Variants in TEC observed in about 807,000 individuals in gnomAD.
TEC encodes the protein tyrosine-protein kinase Tec.
TEC carries 72 observed loss-of-function variants against 93.0 expected under a neutral mutation model. The ratio of observed to expected loss-of-function variants is 0.77; its 90% confidence interval spans 0.64 to 0.94. TEC has a LOEUF of 0.94. Among genes scored for constraint, TEC ranks in the 40% least tolerant of loss-of-function variants. The pLI is 0.00. For missense variants in TEC, 630 were observed against 757.9 expected, an observed-to-expected ratio of 0.83 and a Z score of 1.98; for synonymous variants, 249 against 247.7, an observed-to-expected ratio of 1.01 and a Z score of -0.05.
chr4:48,225,958 G>A (rs779870220), intron 2 of TEC, among the ~76,000 whole-genome samples: 1 of 152,092 alleles, frequency 6.6e-6, no homozygotes, highest in Non-Finnish European at 1.5e-5. Flanking sequence ...CTGCCAGGAA[G>A]TGTTAGAGGC....
At chr4:48,144,335 T>C (rs1719813323) in intron 14 of TEC, among the ~76,000 whole-genome samples, 2 of 152,214 alleles carry the variant, frequency 1.3e-5, no homozygotes, top group South Asian at 4.1e-4. Flanking sequence ...TACACTCTTC[T>C]TGGTAAAAGA....
intron 1 of TEC, among the ~76,000 whole-genome samples, chr4:48,230,477 C>T (rs775359071): frequency 6.6e-6 from 1 of 152,176 alleles, no homozygotes; most frequent in Non-Finnish European, 1.5e-5. Flanking sequence ...CTATTTGCCT[C>T]GCTCAGAACA....
At chr4:48,215,200 C>CA (rs1307948044) in intron 2 of TEC, among the ~76,000 whole-genome samples, 1 of 152,098 alleles carries the variant, frequency 6.6e-6, no homozygotes, top group Admixed American at 6.6e-5. Flanking sequence ...ATGAGATACT[C>CA]AACACTTTTT....
intron 8 of TEC, among the ~76,000 whole-genome samples, chr4:48,157,386 C>T (rs1720445262): frequency 6.6e-6 from 1 of 152,208 alleles, no homozygotes; most frequent in Admixed American, 6.5e-5. Context: ...TGGTTTCCAG[C>T]AGAACCCCAA....
chr4:48,206,636 T>TA (rs1722723755), intron 2 of TEC, among the ~76,000 whole-genome samples: 4 of 151,990 alleles, frequency 2.6e-5, no homozygotes, highest in Non-Finnish European at 5.9e-5. Flanking sequence ...AAGCAATATT[T>TA]AAAAGTGTAA....
At chr4:48,179,533 C>A (rs572383975) in intron 2 of TEC, among the ~76,000 whole-genome samples, 1 of 151,022 alleles carries the variant, frequency 6.6e-6, no homozygotes, top group South Asian at 2.1e-4. Context: ...GGATTCCAGG[C>A]GTGTGCCACC....
intron 2 of TEC, among the ~76,000 whole-genome samples, chr4:48,196,579 A>C (rs936243645): frequency 1.3e-5 from 2 of 152,234 alleles, no homozygotes; most frequent in African/African-American, 2.4e-5. Flanking sequence ...GGAAACCTAA[A>C]AGCGAGAGCC....
chr4:48,221,044 A>AC (rs1234698291), intron 2 of TEC, among the ~76,000 whole-genome samples: 3 of 152,218 alleles, frequency 2.0e-5, no homozygotes, highest in African/African-American at 4.8e-5. Context: ...GGAACAGCTC[A>AC]CAGAACCCAG....
intron 2 of TEC, among the ~76,000 whole-genome samples, chr4:48,212,112 T>A (rs4695359): frequency 0.25 from 21,874 of 86,444 alleles, 2,306 homozygotes; most frequent in Non-Finnish European, 0.3. Flanking sequence ...AAAAAAAAAA[T>A]ATATATATAT....
chr4:48,208,480 T>G lies in TEC; in HGVS notation c.138+19997A>C, dbSNP rs575701552. 6.6e-5 allele frequency among the ~76,000 whole-genome samples: 10 copies of G among 152,230 alleles called. No individual in the cohort carries two copies. The East Asian group carries it at 1.7e-3, about 26-fold the overall frequency. Reference sequence around the variant, plus strand: ...AAACAAAACAAACAAAAAAATGAATTTGCCCAGCTCTCTGGCCTCCTCCCC... The same window carrying G: ...AAACAAAACAAACAAAAAAATGAATGTGCCCAGCTCTCTGGCCTCCTCCCC... On this transcript the variant is annotated intron_variant, in intron 2 of 17. Transcript: ENST00000381501.
chr4:48,264,058 A>T (rs1189021404), intron 1 of TEC, among the ~76,000 whole-genome samples: 1 of 152,244 alleles, frequency 6.6e-6, no homozygotes, highest in African/African-American at 2.4e-5. Context: ...TAAGACAATG[A>T]CAATAAAGAA....
intron 2 of TEC, among the ~76,000 whole-genome samples, chr4:48,188,909 G>T (rs974134543): frequency 6.6e-6 from 1 of 152,072 alleles, no homozygotes; most frequent in Non-Finnish European, 1.5e-5. Context: ...GCATATGCGC[G>T]CACACACGCA....
intron 2 of TEC, among the ~76,000 whole-genome samples, chr4:48,186,256 T>C (rs1427077349): frequency 1.3e-5 from 2 of 152,170 alleles, no homozygotes; most frequent in Non-Finnish European, 2.9e-5. Flanking sequence ...GTGCCGAGAT[T>C]GCAGCCTCTG....
intron 1 of TEC, among the ~76,000 whole-genome samples, chr4:48,248,393 A>C (rs1724114741): frequency 6.6e-6 from 1 of 152,178 alleles, no homozygotes; most frequent in African/African-American, 2.4e-5. Context: ...TCAGGGTCCT[A>C]AGTGCAGTAA....
intron 2 of TEC, among the ~76,000 whole-genome samples, chr4:48,221,821 A>G (rs1723271386): frequency 6.6e-6 from 1 of 152,162 alleles, no homozygotes; most frequent in South Asian, 2.1e-4. Flanking sequence ...CCCCCATCCT[A>G]AAGTCAACCT....
intron 6 of TEC, among the ~76,000 whole-genome samples, chr4:48,168,235 TATC>T (rs918958448): frequency 3.9e-5 from 6 of 152,218 alleles, no homozygotes; most frequent in African/African-American, 1.4e-4. Context: ...CTGAAAGGCA[TATC>T]ATTATATCAG....
chr4:48,139,425 C>G (rs903070090), intron 15 of TEC, among the ~76,000 whole-genome samples: 3 of 152,160 alleles, frequency 2.0e-5, no homozygotes, highest in African/African-American at 7.2e-5. Context: ...TATAAAGCAT[C>G]TAGAAACACA....
chr4:48,249,704 A>C (rs540775579), intron 1 of TEC, among the ~76,000 whole-genome samples: 11 of 152,316 alleles, frequency 7.2e-5, no homozygotes, highest in Admixed American at 5.9e-4. Flanking sequence ...GCTAACCCTG[A>C]GCTGAAATGT....
At chr4:48,168,838 C>A (rs1279817038) in intron 5 of TEC, among the ~76,000 whole-genome samples, 2 of 152,168 alleles carry the variant, frequency 1.3e-5, no homozygotes, top group African/African-American at 4.8e-5. Context: ...TTTCTGAACG[C>A]ACAATAAATG....
Sources: allele counts gnomAD v4.1 joint callset (sites outside exome capture counted in the v4.1 genomes callset), GRCh38; gene constraint gnomAD v4.1.1; transcripts MANE v1.5; gene names NCBI Gene and HGNC (gene_info 2026-07-23, HGNC 2026-07-21).